Variants in DNAJC5B observed in about 807,000 individuals in gnomAD.
DNAJC5B encodes dnaJ homolog subfamily C member 5B.
DNAJC5B carries 23 observed loss-of-function variants against 24.7 expected under a neutral mutation model. That is an observed-to-expected ratio of 0.93 (90% CI 0.67 to 1.32). The LOEUF is 1.32. Among genes scored for constraint, DNAJC5B ranks in the 40% most tolerant of loss-of-function variants. The probability of loss-of-function intolerance (pLI) is 0.00; values close to 1 mark genes in which losing one functional copy is unlikely to be tolerated. For synonymous variants in DNAJC5B, 101 were observed against 90.1 expected, an observed-to-expected ratio of 1.12 and a Z score of -0.68; for missense variants, 238 against 240.8, an observed-to-expected ratio of 0.99 and a Z score of 0.08.
In DNAJC5B at chr8:66,034,176, TTGTG is replaced by T. The variant is rs60916429; in HGVS notation, c.-141-9283_-141-9280del. Among the ~76,000 whole-genome samples the T allele has an allele frequency of 2.0e-3, 292 of 144,242 alleles. 3 individuals are homozygous for T. Among genetic ancestry groups the T allele is most frequent in the East Asian group, 0.011 (52 of 4,952 alleles). 94.6% of individuals were successfully genotyped at this position (144,242 alleles called of 152,430 possible). Reference sequence around the variant, plus strand: ...GAGTATTCTCTCTATTGTTGTTGTTTTGTGTGTGTGTGTGTGTGTGTGTGTGTGT... The same window carrying T: ...GAGTATTCTCTCTATTGTTGTTGTTTTGTGTGTGTGTGTGTGTGTGTGTGT... On this transcript the variant is annotated intron_variant, in intron 1 of 5. Transcript: ENST00000276570.
intron 1 of DNAJC5B, among the ~76,000 whole-genome samples, chr8:66,030,623 G>A (rs537458365): frequency 6.6e-6 from 1 of 152,096 alleles, no homozygotes; most frequent in Non-Finnish European, 1.5e-5. Context: ...GTGCTTTTGT[G>A]GCATGTTCTT....
intron 5 of DNAJC5B, among the ~76,000 whole-genome samples, chr8:66,093,935 C>G (rs1204872138): frequency 2.0e-5 from 3 of 151,882 alleles, no homozygotes; most frequent in African/African-American, 7.3e-5. Flanking sequence ...ATTTTTTTTC[C>G]AGATAGAAAA....
intron 1 of DNAJC5B, among the ~76,000 whole-genome samples, chr8:66,033,080 C>T (rs924872530): frequency 1.3e-5 from 2 of 152,226 alleles, no homozygotes; most frequent in South Asian, 4.1e-4. Flanking sequence ...GAAGCCAAGC[C>T]ATCCGTATCC....
At position 66,057,831 on chromosome 8, in the gene DNAJC5B, A is replaced by G. The variant is rs187124901; in HGVS notation, c.119+6165A>G. 10 of 152,368 alleles carry G rather than the reference A, an allele frequency of 6.6e-5. No individual in the cohort carries two copies. In the East Asian group the frequency reaches 1.9e-3, roughly 29 times the overall value. The allele number at this position is 152,368 out of a possible 1,614,324, so 9.4% of individuals were successfully genotyped here. On this transcript the variant is annotated intron_variant, in intron 3 of 5. Transcript: ENST00000276570. ...AAAATTCTGTATCTGGTGAAACTAT[A>G]TTTCACGAGTGAATGGGGAAATACG...
At chr8:66,051,923 C>G (rs75434662) in intron 3 of DNAJC5B, among the ~76,000 whole-genome samples, 2,704 of 151,976 alleles carry the variant, frequency 0.018, 84 homozygotes, top group African/African-American at 0.062. Flanking sequence ...GAGAGAAAGA[C>G]AGAGAGAGAA....
intron 5 of DNAJC5B, among the ~76,000 whole-genome samples, chr8:66,096,825 C>A (rs1334629773): frequency 6.6e-6 from 1 of 151,886 alleles, no homozygotes; most frequent in Non-Finnish European, 1.5e-5. Context: ...GTACTATATC[C>A]ATTGGTATTT....
chr8:66,048,426 C>T (rs1202411626), intron 2 of DNAJC5B, among the ~76,000 whole-genome samples: 2 of 152,140 alleles, frequency 1.3e-5, no homozygotes, highest in East Asian at 1.9e-4. Flanking sequence ...CCCTATGAAA[C>T]GGTTTCAAAG....
chr8:66,068,130 C>T (rs1320396195), intron 3 of DNAJC5B, among the ~76,000 whole-genome samples: 1 of 152,064 alleles, frequency 6.6e-6, no homozygotes, highest in African/African-American at 2.4e-5. Flanking sequence ...CTTCTTAGTC[C>T]TCAAATTATT....
chr8:66,095,347 A>G (rs915355647), intron 5 of DNAJC5B, among the ~76,000 whole-genome samples: 2 of 151,968 alleles, frequency 1.3e-5, no homozygotes, highest in Non-Finnish European at 1.5e-5. Flanking sequence ...TCATACATCT[A>G]TAGTATCTGC....
intron 3 of DNAJC5B, among the ~76,000 whole-genome samples, chr8:66,063,025 C>A (rs937402134): frequency 6.6e-6 from 1 of 152,112 alleles, no homozygotes; most frequent in Non-Finnish European, 1.5e-5. Flanking sequence ...AACAAACAAA[C>A]AAAAAATCAA....
chr8:66,052,209 C>T (rs1318579133), intron 3 of DNAJC5B, among the ~76,000 whole-genome samples: 2 of 151,524 alleles, frequency 1.3e-5, no homozygotes, highest in African/African-American at 2.4e-5. Context: ...CTGCCCACCT[C>T]GGCCTCCCAA....
At chr8:66,024,503 G>T (rs1586057999) in intron 1 of DNAJC5B, among the ~76,000 whole-genome samples, 1 of 124,012 alleles carries the variant, frequency 8.1e-6, no homozygotes, top group African/African-American at 3.6e-5. Context: ...GTATACATGT[G>T]CCACGCTGGT....
At chr8:66,028,646 C>T (rs1806297355) in intron 1 of DNAJC5B, among the ~76,000 whole-genome samples, 1 of 152,174 alleles carries the variant, frequency 6.6e-6, no homozygotes, top group Non-Finnish European at 1.5e-5. Flanking sequence ...TCTACTGCTG[C>T]ATTCGGTCAT....
rs1044614243 is a variant in DNAJC5B, at chr8:66,052,467, G to T, written c.119+801G>T. 2.0e-5 allele frequency among the ~76,000 whole-genome samples: 3 copies of T among 152,066 alleles called. 1 individual carries two copies. In the South Asian group the frequency reaches 6.2e-4, roughly 32 times the overall value. On this transcript the variant is annotated intron_variant, in intron 3 of 5. Transcript: ENST00000276570. ...AGTCCAAGGAATAAAAAAATGTTGAGGGAGAAATGCCATTACTACAACCCA... is the reference window on the plus strand; with the variant it reads ...AGTCCAAGGAATAAAAAAATGTTGATGGAGAAATGCCATTACTACAACCCA...
intron 5 of DNAJC5B, among the ~76,000 whole-genome samples, chr8:66,092,693 A>G (rs920218506): frequency 4.6e-5 from 7 of 152,110 alleles, no homozygotes; most frequent in Admixed American, 3.3e-4. Context: ...TTACAACTAT[A>G]TTTATAATCT....
chr8:66,064,286 T>C (rs1488661392), intron 3 of DNAJC5B, among the ~76,000 whole-genome samples: 2 of 152,244 alleles, frequency 1.3e-5, no homozygotes, highest in Middle Eastern at 3.4e-3. Flanking sequence ...CTAGAGACAC[T>C]GGGAGCCTGA....
chr8:66,068,086 G>A (rs1050146312), intron 3 of DNAJC5B, among the ~76,000 whole-genome samples: 1 of 152,058 alleles, frequency 6.6e-6, no homozygotes, highest in African/African-American at 2.4e-5. Flanking sequence ...TCTGAAAATA[G>A]GAAATAAAAA....
chr8:66,054,931 G>A (rs1288981940), intron 3 of DNAJC5B, among the ~76,000 whole-genome samples: 1 of 152,034 alleles, frequency 6.6e-6, no homozygotes, highest in Non-Finnish European at 1.5e-5. Flanking sequence ...GTTAATTTTT[G>A]TAATATCTAC....
intron 3 of DNAJC5B, among the ~76,000 whole-genome samples, chr8:66,063,570 T>A (rs1421327096): frequency 6.6e-6 from 1 of 152,216 alleles, no homozygotes; most frequent in Non-Finnish European, 1.5e-5. Flanking sequence ...GGAAGAGTTG[T>A]CTTCCGGTGG....
Sources: gnomAD v4.1 joint callset for allele counts (sites outside exome capture counted in the v4.1 genomes callset) on GRCh38, gnomAD v4.1.1 for gene constraint, MANE v1.5 for transcripts, NCBI Gene and HGNC (gene_info 2026-07-23, HGNC 2026-07-21) for gene names.